ACYP2: variants seen among roughly 807,000 people sequenced by gnomAD.
The protein encoded by ACYP2 is acylphosphatase-2.
A neutral mutation model predicts 11.2 loss-of-function variants in ACYP2; 12 were observed. The ratio of observed to expected loss-of-function variants is 1.08; its 90% confidence interval spans 0.69 to 1.74. ACYP2 has a LOEUF of 1.74. Among genes scored for constraint, ACYP2 ranks in the 40% most tolerant of loss-of-function variants. The probability of loss-of-function intolerance (pLI) is 0.00; values close to 1 mark genes in which losing one functional copy is unlikely to be tolerated. For synonymous variants in ACYP2, 43 were observed against 32.2 expected (o/e 1.33, Z -1.13); for missense variants, 134 against 101.9 (o/e 1.31, Z -1.35).
At chr2:54,001,776 A>G (rs540551449) in intron 2 of ACYP2, among the ~76,000 whole-genome samples, 1 of 152,348 alleles carries the variant, frequency 6.6e-6, no homozygotes, top group South Asian at 2.1e-4. Flanking sequence ...ACTTCTGAAA[A>G]TACCCTCTGT....
chr2:54,076,042 G>C (rs958948072), intron 4 of ACYP2, among the ~76,000 whole-genome samples: 3 of 152,028 alleles, frequency 2.0e-5, no homozygotes, highest in Non-Finnish European at 1.5e-5. Context: ...ACATTCATTA[G>C]GGCCAAAAAT....
chr2:54,046,498 A>T (rs1168957434), intron 2 of ACYP2, among the ~76,000 whole-genome samples: 1 of 152,068 alleles, frequency 6.6e-6, no homozygotes, highest in African/African-American at 2.4e-5. Flanking sequence ...AAAAAAAAAA[A>T]AAAAGGTTGC....
rs377726719 is a variant in ACYP2 at position 54,116,547 on chromosome 2, T to C, written c.278-18906T>C. Among the ~76,000 whole-genome samples the C allele has an allele frequency of 6.6e-5, 10 of 150,462 alleles. No individual in the cohort carries two copies. The East Asian group carries it at 1.8e-3, about 27-fold the overall frequency. On this transcript the variant is annotated intron_variant, in intron 4 of 6. Transcript: ENST00000607452. ...CACCCTATCATACTTTTCTGCAATA[T>C]GTATATGTACATATATGCACATGTA...
At chr2:54,255,827 C>A (rs843704) in intron 6 of ACYP2, 3 of 1,613,618 alleles carry the variant, frequency 1.9e-6, no homozygotes, top group South Asian at 2.2e-5. Flanking sequence ...TTGAGGCTGC[C>A]GTCAGTTGTC....
chr2:54,121,004 G>A (rs1680122112), intron 4 of ACYP2, among the ~76,000 whole-genome samples: 1 of 152,130 alleles, frequency 6.6e-6, no homozygotes, highest in African/African-American at 2.4e-5. Flanking sequence ...TCAGCAAATG[G>A]GGGCATGTTG....
intron 4 of ACYP2, chr2:54,115,279 A>ACCACAAATATACC (rs1316352248): frequency 4.6e-6 from 2 of 433,324 alleles, no homozygotes; most frequent in Non-Finnish European, 8.2e-6. Context: ...CACCTTGTAC[A>ACCACAAATATACC]CCACAAATAT....
At chr2:54,004,404 CTTT>C (rs1168703943) in intron 2 of ACYP2, among the ~76,000 whole-genome samples, 28 of 92,078 alleles carry the variant, frequency 3.0e-4, no homozygotes, top group African/African-American at 5.3e-4. Context: ...GTAGTTTAGC[CTTT>C]TTTTTTTTTT....
rs1164590268 is a variant in ACYP2 at position 53,983,530 on chromosome 2, A to G, written c.62+9720A>G. ...CAAAAAAGAAAAGAAAACAGTACGA[A>G]TGGAAGCTTGAGGTAGAGGAAGAAT... On this transcript the variant is annotated intron_variant, in intron 2 of 6. Transcript: ENST00000607452. Among the ~76,000 whole-genome samples the G allele has an allele frequency of 3.9e-5, 6 of 152,252 alleles. No individual in the cohort carries two copies. The South Asian group carries it at 6.2e-4, about 16-fold the overall frequency.
At chr2:54,066,875 A>G (rs567004442) in intron 4 of ACYP2, among the ~76,000 whole-genome samples, 1 of 152,330 alleles carries the variant, frequency 6.6e-6, no homozygotes, top group East Asian at 1.9e-4. Flanking sequence ...GATGAGAAAA[A>G]GGATCAGAAG....
At chr2:54,028,003 C>T (rs959871720) in intron 2 of ACYP2, among the ~76,000 whole-genome samples, 12 of 151,718 alleles carry the variant, frequency 7.9e-5, no homozygotes, top group East Asian at 1.9e-4. Flanking sequence ...CCACCACACC[C>T]GGCTAATTTT....
chr2:54,267,597 A>T (rs948842540), intron 6 of ACYP2, among the ~76,000 whole-genome samples: 2 of 152,248 alleles, frequency 1.3e-5, no homozygotes, highest in Admixed American at 1.3e-4. Context: ...AAAAATTTAA[A>T]GATCATTCTG....
intron 2 of ACYP2, among the ~76,000 whole-genome samples, chr2:54,043,128 T>C (rs1167886976): frequency 1.3e-5 from 2 of 152,116 alleles, no homozygotes; most frequent in African/African-American, 4.8e-5. Flanking sequence ...GGCCTAAAAA[T>C]AGTTGTGTAC....
chr2:54,223,340 T>G (rs1685877657), intron 6 of ACYP2, among the ~76,000 whole-genome samples: 1 of 152,220 alleles, frequency 6.6e-6, no homozygotes, highest in Admixed American at 6.5e-5. Flanking sequence ...TTTACATAAC[T>G]AAGAAAAAGT....
chr2:54,079,536 G>A (rs925993895), intron 4 of ACYP2, among the ~76,000 whole-genome samples: 3 of 152,196 alleles, frequency 2.0e-5, no homozygotes, highest in African/African-American at 7.2e-5. Flanking sequence ...TTCCATGGAG[G>A]AAGTCAGCTC....
At chr2:54,197,942 A>ACTGTACTGTATTGTATTG (rs1684571201) in intron 6 of ACYP2, among the ~76,000 whole-genome samples, 2 of 69,514 alleles carry the variant, frequency 2.9e-5, no homozygotes, top group Non-Finnish European at 6.5e-5. Context: ...TGTATGTATT[A>ACTGTACTGTATTGTATTG]TATTGTATTG....
intron 6 of ACYP2, among the ~76,000 whole-genome samples, chr2:54,201,618 T>TTTC (rs1553391292): frequency 0.11 from 11,111 of 100,190 alleles, 754 homozygotes; most frequent in South Asian, 0.21. Flanking sequence ...CTTTCTTTCT[T>TTTC]TCTTTGTTTC....
At chr2:54,241,724 C>G (rs954575531) in intron 6 of ACYP2, among the ~76,000 whole-genome samples, 4 of 152,114 alleles carry the variant, frequency 2.6e-5, no homozygotes, top group African/African-American at 9.7e-5. Flanking sequence ...GAAAATATTT[C>G]AGCTGAGGCC....
intron 6 of ACYP2, among the ~76,000 whole-genome samples, chr2:54,197,300 G>C (rs1247328260): frequency 6.6e-6 from 1 of 152,164 alleles, no homozygotes; most frequent in East Asian, 1.9e-4. Context: ...AGTGAACAAT[G>C]CATCTCAGAA....
intron 6 of ACYP2, among the ~76,000 whole-genome samples, chr2:54,164,641 T>C (rs928484743): frequency 6.6e-6 from 1 of 152,196 alleles, no homozygotes; most frequent in African/African-American, 2.4e-5. Flanking sequence ...CCAGGGGTGT[T>C]TGGGACCACA....
Sources: allele counts gnomAD v4.1 joint callset (sites outside exome capture counted in the v4.1 genomes callset), GRCh38; gene constraint gnomAD v4.1.1; transcripts MANE v1.5; gene names NCBI Gene and HGNC (gene_info 2026-07-23, HGNC 2026-07-21).